The following NHSL3 variants were observed in gnomAD, a reference collection of about 807,000 sequenced individuals.
NHSL3 encodes the protein NHS-like protein 3.
the NHSL3 span, chr1:32,773,908 G>C: frequency 6.5e-6 from 1 of 152,746 alleles, no homozygotes. Flanking sequence ...CTGCCTTTCA[G>C]CACAGGTGGT....
chr1:32,765,764 G>C, the NHSL3 span: 2 of 1,547,554 alleles, frequency 1.3e-6, no homozygotes, highest in South Asian at 2.4e-5. Flanking sequence ...AGTGGCGCCC[G>C]CAGTCATGGT....
chr1:32,767,812 A>T, the NHSL3 span: 2 of 1,611,468 alleles, frequency 1.2e-6, no homozygotes, highest in Non-Finnish European at 1.7e-6. Flanking sequence ...AGAATGACAA[A>T]CATCTAAGTG....
the NHSL3 span, chr1:32,767,897 C>G: frequency 6.2e-7 from 1 of 1,614,042 alleles, no homozygotes; most frequent in Non-Finnish European, 8.5e-7. Flanking sequence ...TGGGCGACCC[C>G]CCCACCTGGA....
the NHSL3 span, chr1:32,774,096 G>A: frequency 2.6e-5 from 4 of 152,686 alleles, no homozygotes; most frequent in African/African-American, 9.6e-5. Context: ...TCTATTTTCA[G>A]CCTGTGCCAC....
chr1:32,755,317 A>G, the NHSL3 span, among the ~76,000 whole-genome samples: 3 of 152,126 alleles, frequency 2.0e-5, no homozygotes. Context: ...ATCCCAGAGG[A>G]GGTGGAGTGA....
the NHSL3 span, among the ~76,000 whole-genome samples, chr1:32,757,047 C>T: frequency 6.6e-6 from 1 of 152,214 alleles, no homozygotes; most frequent in South Asian, 2.1e-4. Flanking sequence ...CTTGAGGTTC[C>T]ATTGTGAATG....
At chr1:32,758,702 A>T in the NHSL3 span, among the ~76,000 whole-genome samples, 28 of 152,234 alleles carry the variant, frequency 1.8e-4, no homozygotes, top group Non-Finnish European at 3.2e-4. Flanking sequence ...GGGCAAAGTC[A>T]TCCATGGTGA....
At chr1:32,765,783 T>C in the NHSL3 span, 1 of 1,547,716 alleles carries the variant, frequency 6.5e-7, no homozygotes, top group Non-Finnish European at 8.7e-7. Context: ...GTGGTGTTCG[T>C]TGGCCGCCGC....
the NHSL3 span, among the ~76,000 whole-genome samples, chr1:32,744,083 C>G: frequency 6.6e-6 from 1 of 152,192 alleles, no homozygotes; most frequent in South Asian, 2.1e-4. Flanking sequence ...CTGCAGAAGG[C>G]TTAACTCTTT....
the NHSL3 span, chr1:32,754,158 G>A: frequency 1.4e-6 from 1 of 711,932 alleles, no homozygotes; most frequent in Non-Finnish European, 2.6e-6. Context: ...GGCGGTTCGG[G>A]CGGTCGGCGA....
chr1:32,772,345 C>T, the NHSL3 span: 16 of 1,610,412 alleles, frequency 9.9e-6, no homozygotes, highest in Admixed American at 3.3e-5. Flanking sequence ...CAATGGGCTC[C>T]CTCACACCCA....
the NHSL3 span, among the ~76,000 whole-genome samples, chr1:32,752,049 A>G: frequency 6.6e-6 from 1 of 152,114 alleles, no homozygotes; most frequent in Admixed American, 6.5e-5. Flanking sequence ...TTCCCTATCT[A>G]TATAAATTCA....
At chr1:32,771,553 G>A in the NHSL3 span, 12 of 1,608,310 alleles carry the variant, frequency 7.5e-6, no homozygotes, top group Non-Finnish European at 1.0e-5. Flanking sequence ...CCCACCAGAG[G>A]AGGCTTTTTT....
At chr1:32,764,223 C>T in the NHSL3 span, among the ~76,000 whole-genome samples, 1 of 151,646 alleles carries the variant, frequency 6.6e-6, no homozygotes, top group Non-Finnish European at 1.5e-5. Context: ...CGCCCCCCGG[C>T]CCCACCAAAG....
At chr1:32,741,830 C>G in the NHSL3 span, 6 of 150,012 alleles carry the variant, frequency 4.0e-5, no homozygotes, top group Non-Finnish European at 8.8e-5. This position sits in a 1 kb window ranked among gnomAD's most constrained non-coding sequence, Gnocchi z 4.3. Flanking sequence ...GCCGTCCGCT[C>G]TCCGCGCCCG....
chr1:32,765,763 C>A, the NHSL3 span: 1 of 1,547,628 alleles, frequency 6.5e-7, no homozygotes, highest in Non-Finnish European at 8.7e-7. Context: ...GAGTGGCGCC[C>A]GCAGTCATGG....
At chr1:32,767,972 C>T in the NHSL3 span, 1 of 1,611,996 alleles carries the variant, frequency 6.2e-7, no homozygotes, top group South Asian at 1.1e-5. Flanking sequence ...GCTTCCTCTC[C>T]ACTCCCCTCC....
the NHSL3 span, chr1:32,769,816 G>T: frequency 1.2e-6 from 2 of 1,611,240 alleles, no homozygotes; most frequent in South Asian, 2.2e-5. Flanking sequence ...GGCAGTGGTG[G>T]GGTGGGTGGG....
the NHSL3 span, chr1:32,772,582 G>C: frequency 7.3e-7 from 1 of 1,370,754 alleles, no homozygotes; most frequent in Admixed American, 2.9e-5. Flanking sequence ...TGTCACCCTT[G>C]CTGGGGCCCA....
Sources: gnomAD v4.1 joint callset for allele counts (sites outside exome capture counted in the v4.1 genomes callset) on GRCh38, gnomAD v4.1.1 for gene constraint, Gnocchi (gnomAD v3.1) non-coding constraint, MANE v1.5 for transcripts, NCBI Gene and HGNC (gene_info 2026-07-23, HGNC 2026-07-21) for gene names.